Variants in METTL27 observed in about 807,000 individuals in gnomAD.
The protein encoded by METTL27 is methyltransferase like 27, also known as methyltransferase-like protein 27.
Under a neutral mutation model 24.5 loss-of-function variants are expected in METTL27, and 29 were observed. That is an observed-to-expected ratio of 1.18 (90% CI 0.88 to 1.61). The LOEUF is 1.61. Among genes scored for constraint, METTL27 ranks in the 40% most tolerant of loss-of-function variants. METTL27 has a pLI of 0.00. For missense variants in METTL27, 341 were observed against 324.3 expected, an observed-to-expected ratio of 1.05 and a Z score of -0.40; for synonymous variants, 138 against 146.8, an observed-to-expected ratio of 0.94 and a Z score of 0.43.
intron 2 of METTL27, among the ~76,000 whole-genome samples, chr7:73,841,516 G>A (rs966760422): frequency 1.4e-5 from 2 of 145,680 alleles, no homozygotes; most frequent in Non-Finnish European, 3.0e-5. Flanking sequence ...TCTGTCACTC[G>A]GGCTGGAGTG....
chr7:73,841,991 T>C lies in METTL27; in HGVS notation c.123+27A>G, dbSNP rs369494348. On this transcript the variant is annotated intron_variant, in intron 2 of 5. Transcript: ENST00000297873. ...GGTAGAAAAATGGAGGCTGGTCTAG[T>C]GGAGGCAAGGCCCCAAATGAGTTTA... The C allele has an allele frequency of 1.9e-4, 304 of 1,613,832 alleles. 1 individual carries two copies. Among genetic ancestry groups the C allele is most frequent in the Non-Finnish European group, 2.5e-4 (300 of 1,179,952 alleles).
intron 2 of METTL27, among the ~76,000 whole-genome samples, chr7:73,841,769 C>G (rs1020762641): frequency 5.3e-5 from 8 of 152,130 alleles, no homozygotes; most frequent in Non-Finnish European, 7.4e-5. Flanking sequence ...TGTGAGCCAC[C>G]GCGCCCGGCC....
chr7:73,839,748 T>G, intron 5 of METTL27: 8 of 399,078 alleles, frequency 2.0e-5, no homozygotes, highest in East Asian at 1.3e-4. Context: ...GATTGTAGCA[T>G]TTATACCACC....
At chr7:73,840,195 C>A in intron 4 of METTL27, 75 bp from the exon 5 acceptor site, 1 of 1,527,674 alleles carries the variant, frequency 6.5e-7, no homozygotes, top group South Asian at 1.2e-5. Context: ...TGGCCTCAGA[C>A]CACCCTAGGG....
chr7:73,836,406 G>A (rs1788197787), intron 5 of METTL27, among the ~76,000 whole-genome samples: 1 of 144,950 alleles, frequency 6.9e-6, no homozygotes, highest in Non-Finnish European at 1.5e-5. Context: ...AGGGAGGTGG[G>A]GGGGTCAGCC....
intron 5 of METTL27, among the ~76,000 whole-genome samples, chr7:73,837,844 C>T (rs1317834601): frequency 6.6e-6 from 1 of 151,790 alleles, no homozygotes; most frequent in Non-Finnish European, 1.5e-5. Flanking sequence ...TGTGCCTGCC[C>T]ACCCCCCCTT....
rs986915690 is a variant in METTL27 at position 73,840,605 on chromosome 7, G to C, written c.253-56C>G. 5.3e-6 allele frequency: 8 copies of C among 1,522,724 alleles called. No individual in the cohort carries two copies. In the African/African-American group the frequency reaches 9.7e-5, roughly 19 times the overall value. The allele number at this position is 1,522,724 out of a possible 1,614,324, so 94.3% of individuals were successfully genotyped here. A position where few individuals can be genotyped will look rare whatever the true frequency, so the allele number is the denominator to read the frequency against. Reference sequence around the variant, plus strand: ...TTCACACCTGCCACTTCCCGGCTGGGTCCCTGCACCTTGGCAGGGCAGTGG... The same window carrying C: ...TTCACACCTGCCACTTCCCGGCTGGCTCCCTGCACCTTGGCAGGGCAGTGG... On this transcript the variant is annotated intron_variant, in intron 3 of 5. Coordinates refer to ENST00000297873, the MANE Select transcript of METTL27 (RefSeq NM_152559.3).
chr7:73,841,755 G>T (rs893628921), intron 2 of METTL27, among the ~76,000 whole-genome samples: 10 of 152,102 alleles, frequency 6.6e-5, no homozygotes, highest in Admixed American at 5.9e-4. Flanking sequence ...TTAGGATTAC[G>T]GCTTGTGAGC....
At position 73,840,557 on chromosome 7, in the gene METTL27, A is replaced by G. The variant is rs781858841; in HGVS notation, c.253-8T>C. 35 of 1,575,358 alleles carry G rather than the reference A, an allele frequency of 2.2e-5. No homozygotes were observed. The highest frequency in any genetic ancestry group is 9.5e-6 in the Non-Finnish European group (11 of 1,162,358). On this transcript the variant is annotated splice_polypyrimidine_tract_variant and splice_region_variant and intron_variant, in intron 3 of 5. Transcript: ENST00000297873. Reference sequence around the variant, plus strand: ...GAAGCCTGGAGCCCGCAGCTGGGGTAGGGGTGGGAGACTCAGTCATGGTTC... The same window carrying G: ...GAAGCCTGGAGCCCGCAGCTGGGGTGGGGGTGGGAGACTCAGTCATGGTTC...
Position 73,840,054 on chromosome 7 carries a change from G to A in METTL27, c.455C>T (p.Pro152Leu), listed in dbSNP as rs782229742. ...SDGQVPCNAI[P>L]ELHVTKPGGL... ...ACCTGGCTTGGTGACATGTAGCTCA[G>A]GTATCGCATTGCAGGGCACCTGGCC... is the stretch of plus-strand genomic sequence containing the variant. Residue 152 changes from proline to leucine, a missense_variant, in exon 5 of 6, where the codon CCT (proline) becomes CTT (leucine). Pro to Leu is a moderately conservative substitution (Grantham distance 98, BLOSUM62 -3). Coordinates refer to ENST00000297873, the MANE Select transcript of METTL27 (RefSeq NM_152559.3). 1 of 1,612,292 alleles carries A rather than the reference G, an allele frequency of 6.2e-7. No individual in the cohort carries two copies. The highest frequency in any genetic ancestry group is 1.7e-5 in the Admixed American group (1 of 59,810).
intron 2 of METTL27, among the ~76,000 whole-genome samples, chr7:73,841,771 C>T (rs1481683070): frequency 1.3e-5 from 2 of 152,160 alleles, no homozygotes; most frequent in African/African-American, 2.4e-5. Flanking sequence ...TGAGCCACCG[C>T]GCCCGGCCCC....
chr7:73,836,043 G>A (rs1554635089), intron 5 of METTL27, among the ~76,000 whole-genome samples: 1 of 147,810 alleles, frequency 6.8e-6, no homozygotes, highest in African/African-American at 2.7e-5. Context: ...GAAGTGAGGA[G>A]CGTCTCCGCC....
intron 3 of METTL27, 49 bp from the exon 4 acceptor site, chr7:73,840,598 C>T (rs370184808): frequency 6.3e-5 from 96 of 1,527,022 alleles, no homozygotes; most frequent in Middle Eastern, 2.4e-4. Context: ...TGCCACTTCC[C>T]GGCTGGGTCC....
At position 73,834,667 on chromosome 7, in the gene METTL27, G is replaced by A. The variant is rs1169582355; in HGVS notation, c.*76C>T. The stretch of plus-strand genomic sequence containing the variant: ...TCGGAGGTCCCATTTTACAGGGGAG[G>A]CAGAGGAGGCCCAGCAGATGGGCCC... On this transcript the variant is annotated 3_prime_UTR_variant, in exon 6 of 6. Transcript: ENST00000297873. 1.3e-5 allele frequency: 18 copies of A among 1,350,756 alleles called. No individual in the cohort carries two copies. Among genetic ancestry groups the A allele is most frequent in the Admixed American group, 2.0e-5 (1 of 48,842 alleles). The allele number at this position is 1,350,756 out of a possible 1,614,324, so 83.7% of individuals were successfully genotyped here.
intron 4 of METTL27, 136 bp from the exon 5 acceptor site, chr7:73,840,256 T>G: frequency 6.9e-7 from 1 of 1,444,838 alleles, no homozygotes; most frequent in Non-Finnish European, 9.3e-7. Context: ...CCCTAGAGGA[T>G]AAGGTAAGTA....
intron 5 of METTL27, 160 bp from the exon 6 acceptor site, chr7:73,835,162 C>A (rs1788128617): frequency 2.8e-6 from 2 of 722,704 alleles, no homozygotes; most frequent in Non-Finnish European, 4.1e-6. Context: ...TCCTCTCCCT[C>A]CTCTCCCTCC....
chr7:73,841,262 G>A (rs1406387711), intron 2 of METTL27, 64 bp from the exon 3 acceptor site: 1 of 1,523,624 alleles, frequency 6.6e-7, no homozygotes, highest in Non-Finnish European at 8.7e-7. Flanking sequence ...TCCCTTATGG[G>A]GTGGTCTCAG....
At position 73,840,557 on chromosome 7, in the gene METTL27, A is replaced by AG; in HGVS notation, c.253-9dup. 3 of 1,575,358 alleles carry AG rather than the reference A, an allele frequency of 1.9e-6. No homozygotes were observed. Among genetic ancestry groups the AG allele is most frequent in the Non-Finnish European group, 2.6e-6 (3 of 1,162,358 alleles). On this transcript the variant is annotated splice_polypyrimidine_tract_variant and intron_variant, in intron 3 of 5. Transcript: ENST00000297873. ...GAAGCCTGGAGCCCGCAGCTGGGGT[A>AG]GGGGTGGGAGACTCAGTCATGGTTC...
intron 5 of METTL27, among the ~76,000 whole-genome samples, chr7:73,835,901 C>CA: frequency 6.7e-6 from 1 of 149,488 alleles, no homozygotes; most frequent in South Asian, 2.2e-4. Context: ...TCTGCCCGGC[C>CA]GCAACCCCGT....
Sources: gnomAD v4.1 joint callset for allele counts (sites outside exome capture counted in the v4.1 genomes callset) on GRCh38, gnomAD v4.1.1 for gene constraint, MANE v1.5 for transcripts, NCBI Gene and HGNC (gene_info 2026-07-23, HGNC 2026-07-21) for gene names.